TNIK: variants seen among roughly 807,000 people sequenced by gnomAD.
TNIK encodes TRAF2 and NCK-interacting protein kinase.
In TNIK, 49 loss-of-function variants were observed where a neutral mutation model predicts 191.3. That is an observed-to-expected ratio of 0.26 (90% CI 0.20 to 0.32). The LOEUF (loss-of-function observed/expected upper bound fraction) is 0.32, where lower values mean the gene tolerates loss of function less well. TNIK is among the 10% of genes least tolerant of loss of function. The probability of loss-of-function intolerance (pLI) is 1.00; values close to 1 mark genes in which losing one functional copy is unlikely to be tolerated. For missense variants in TNIK, 1,155 were observed against 1,702.3 expected (o/e 0.68, Z 5.66); for synonymous variants, 594 against 600.9 (o/e 0.99, Z 0.17).
chr3:171,295,510 T>C (rs1028944316), intron 2 of TNIK, among the ~76,000 whole-genome samples: 8 of 152,228 alleles, frequency 5.3e-5, no homozygotes, highest in Non-Finnish European at 7.3e-5. Context: ...GTCCCCCAAC[T>C]GCCCTTTCTT....
intron 2 of TNIK, among the ~76,000 whole-genome samples, chr3:171,308,318 A>G (rs941361577): frequency 2.0e-5 from 3 of 152,180 alleles, no homozygotes; most frequent in African/African-American, 7.2e-5. Flanking sequence ...AAAACAAGCA[A>G]TGGGGAAAGG....
At chr3:171,426,394 G>A (rs1260065283) in intron 1 of TNIK, among the ~76,000 whole-genome samples, 2 of 132,094 alleles carry the variant, frequency 1.5e-5, no homozygotes, top group African/African-American at 5.7e-5. Context: ...ATCACACACT[G>A]GGGCCTGTTG....
intron 3 of TNIK, among the ~76,000 whole-genome samples, chr3:171,219,332 A>T (rs1014345109): frequency 6.9e-6 from 1 of 145,226 alleles, no homozygotes; most frequent in African/African-American, 2.5e-5. Flanking sequence ...ATATATAATG[A>T]TATATATCAT....
intron 2 of TNIK, among the ~76,000 whole-genome samples, chr3:171,346,257 TAAA>T (rs1712170300): frequency 6.6e-6 from 1 of 152,180 alleles, no homozygotes; most frequent in Admixed American, 6.5e-5. Context: ...TCACTGTAGA[TAAA>T]TGCCTTCAAG....
At position 171,124,397 on chromosome 3, in the gene TNIK, A is replaced by G. The variant is rs544168353; in HGVS notation, c.2014-695T>C. On this transcript the variant is annotated intron_variant, in intron 17 of 32. Transcript: ENST00000436636. ...GGATCTTCAAAAAGGCTGTGTAAGTACCAATAAGACTTGAGGAAAATGTAT... is the reference window on the plus strand; with the variant it reads ...GGATCTTCAAAAAGGCTGTGTAAGTGCCAATAAGACTTGAGGAAAATGTAT... Among the ~76,000 whole-genome samples the G allele has an allele frequency of 5.0e-4, 76 of 152,336 alleles. 1 individual carries two copies. Among genetic ancestry groups the G allele is most frequent in the African/African-American group, 1.7e-3 (69 of 41,578 alleles).
intron 3 of TNIK, among the ~76,000 whole-genome samples, chr3:171,222,779 A>G (rs760332215): frequency 6.6e-6 from 1 of 152,178 alleles, no homozygotes; most frequent in Non-Finnish European, 1.5e-5. Flanking sequence ...AGAAATAGGA[A>G]TTCAGTGAAG....
At chr3:171,458,734 T>A (rs1169091709) in intron 1 of TNIK, among the ~76,000 whole-genome samples, 2 of 152,182 alleles carry the variant, frequency 1.3e-5, no homozygotes, top group Admixed American at 1.3e-4. Context: ...CGTGTGAACT[T>A]CCATGCTTCA....
At chr3:171,176,967 A>T (rs1736035993) in intron 8 of TNIK, among the ~76,000 whole-genome samples, 1 of 152,176 alleles carries the variant, frequency 6.6e-6, no homozygotes, top group African/African-American at 2.4e-5. Context: ...CTGAAAATTA[A>T]TTTTGGATTT....
intron 1 of TNIK, among the ~76,000 whole-genome samples, chr3:171,440,296 A>G (rs1445569877): frequency 6.6e-6 from 1 of 152,144 alleles, no homozygotes; most frequent in Non-Finnish European, 1.5e-5. Context: ...GTAACAGTAA[A>G]CATAGGAACA....
At chr3:171,194,385 C>T (rs547407002) in intron 5 of TNIK, 140 bp downstream of exon 5, 12 of 733,114 alleles carry the variant, frequency 1.6e-5, no homozygotes, top group Non-Finnish European at 2.5e-5. Flanking sequence ...ACCACCACCA[C>T]TGATAGGATA....
rs544024157 is a variant in TNIK at position 171,323,509 on chromosome 3, G to A, written c.123+46111C>T. On this transcript the variant is annotated intron_variant, in intron 2 of 32. Transcript: ENST00000436636. ...TATCTGGTGAGCACCTACTGTGTCC[G>A]AGGTCAGTGTTGGGCACTGACAATT... Among the ~76,000 whole-genome samples the A allele has an allele frequency of 5.9e-5, 9 of 152,142 alleles. No individual in the cohort carries two copies. The South Asian group carries it at 1.9e-3, about 32-fold the overall frequency.
chr3:171,369,206 C>T (rs895279193), intron 2 of TNIK, among the ~76,000 whole-genome samples: 1 of 152,110 alleles, frequency 6.6e-6, no homozygotes, highest in Non-Finnish European at 1.5e-5. Flanking sequence ...CTGTTCACTC[C>T]ACTCATTTAA....
intron 1 of TNIK, among the ~76,000 whole-genome samples, chr3:171,387,327 G>T (rs899208545): frequency 6.6e-6 from 1 of 152,114 alleles, no homozygotes; most frequent in Non-Finnish European, 1.5e-5. Context: ...ATTCCACTCA[G>T]TCATTAACCA....
intron 12 of TNIK, among the ~76,000 whole-genome samples, chr3:171,150,413 T>C (rs1732279904): frequency 6.6e-6 from 1 of 152,220 alleles, no homozygotes; most frequent in South Asian, 2.1e-4. Context: ...TGCCACGTTC[T>C]CACCCTTTTG....
chr3:171,132,637 G>GT (rs1441623389), intron 15 of TNIK, among the ~76,000 whole-genome samples: 5 of 152,108 alleles, frequency 3.3e-5, no homozygotes, highest in African/African-American at 1.2e-4. Context: ...TTGTCAAATT[G>GT]TTTTTTATAT....
At chr3:171,098,299 A>T (rs1027916287) in intron 22 of TNIK, among the ~76,000 whole-genome samples, 1 of 151,952 alleles carries the variant, frequency 6.6e-6, no homozygotes, top group African/African-American at 2.4e-5. Context: ...TAAAGCTTTT[A>T]TTTTTTTCCT....
chr3:171,161,514 T>C (rs1464326148), intron 10 of TNIK, among the ~76,000 whole-genome samples, 178 bp from the exon 11 acceptor site: 2 of 152,224 alleles, frequency 1.3e-5, no homozygotes, highest in Admixed American at 6.5e-5. Context: ...TTAACCACAT[T>C]CAAGGCTGTC....
chr3:171,190,873 CT>C, intron 5 of TNIK, 86 bp from the exon 6 acceptor site: 1 of 937,882 alleles, frequency 1.1e-6, no homozygotes, highest in Non-Finnish European at 1.6e-6. Flanking sequence ...GATCCAAAAA[CT>C]TTACACTCAC....
chr3:171,350,058 A>G (rs1481962625), intron 2 of TNIK, among the ~76,000 whole-genome samples: 1 of 146,528 alleles, frequency 6.8e-6, no homozygotes, highest in Non-Finnish European at 1.5e-5. Context: ...CAAACAAGAC[A>G]TAAAATACAA....
Sources: gnomAD v4.1 joint callset for allele counts (sites outside exome capture counted in the v4.1 genomes callset) on GRCh38, gnomAD v4.1.1 for gene constraint, MANE v1.5 for transcripts, NCBI Gene and HGNC (gene_info 2026-07-23, HGNC 2026-07-21) for gene names.